The following THTPA variants were observed in gnomAD, a reference collection of about 807,000 sequenced individuals.
THTPA encodes thiamine triphosphatase, also known as thiamine-triphosphatase.
THTPA carries 16 observed loss-of-function variants against 16.5 expected under a neutral mutation model. That is an observed-to-expected ratio of 0.97 (90% CI 0.66 to 1.47). THTPA has a LOEUF of 1.47. Ranked by LOEUF, THTPA falls within the 40% of genes most tolerant of loss-of-function variation. The pLI is 0.00. For synonymous variants in THTPA, 110 were observed against 115.5 expected, an observed-to-expected ratio of 0.95 and a Z score of 0.30; for missense variants, 281 against 280.9, an observed-to-expected ratio of 1.00 and a Z score of 0.00.
chr14:23,522,722 G>A, the THTPA span: 41 of 1,536,500 alleles, frequency 2.7e-5, no homozygotes, highest in Admixed American at 2.0e-5. Flanking sequence ...GGAGGAGCTG[G>A]TGGGGCCTGC....
chr14:23,526,370 T>C, the THTPA span: 20 of 1,536,184 alleles, frequency 1.3e-5, no homozygotes, highest in East Asian at 7.3e-5. Flanking sequence ...AGTGCACTTA[T>C]AGGGCCGGGC....
At chr14:23,533,815 C>T in the THTPA span, 2 of 1,544,376 alleles carry the variant, frequency 1.3e-6, no homozygotes, top group South Asian at 2.4e-5. The surrounding 1 kb of genome is among the most constrained non-coding windows in gnomAD (Gnocchi z 4.8). Context: ...GGGTTTGTAG[C>T]CACAGTTGTA....
chr14:23,517,816 G>A, the THTPA span, among the ~76,000 whole-genome samples: 1 of 152,022 alleles, frequency 6.6e-6, no homozygotes, highest in Non-Finnish European at 1.5e-5. Context: ...CTTGGTATGG[G>A]CCCAATGCCC....
the THTPA span, chr14:23,512,732 ATATATATGCATATATATG>A: frequency 3.3e-5 from 5 of 150,378 alleles, no homozygotes; most frequent in East Asian, 5.9e-4. Context: ...GTGTGTGTAT[ATATATATGCATATATATG>A]TATATATGCA....
the THTPA span, chr14:23,525,675 C>G: frequency 6.5e-7 from 1 of 1,534,056 alleles, no homozygotes; most frequent in Admixed American, 2.0e-5. The surrounding 1 kb of genome is among the most constrained non-coding windows in gnomAD (Gnocchi z 5.9). Flanking sequence ...GAGGAAGGCC[C>G]TGCCTCATTA....
At chr14:23,526,240 G>A in the THTPA span, 42 of 1,536,182 alleles carry the variant, frequency 2.7e-5, no homozygotes, top group Non-Finnish European at 3.1e-5. Context: ...GTGGGGCACC[G>A]GCCTCTCCCC....
At chr14:23,521,854 G>A in the THTPA span, 4 of 1,483,440 alleles carry the variant, frequency 2.7e-6, no homozygotes, top group Admixed American at 2.2e-5. Flanking sequence ...CCTGTGAGGT[G>A]GGCGGGGCCA....
chr14:23,553,523 C>CG (rs201873180), upstream of THTPA, among the ~76,000 whole-genome samples: 1 of 151,198 alleles, frequency 6.6e-6, no homozygotes, highest in Non-Finnish European at 1.5e-5. Flanking sequence ...CGCTTGAACC[C>CG]GGGGGGCAGA....
At chr14:23,531,846 C>T in the THTPA span, 1 of 1,197,300 alleles carries the variant, frequency 8.4e-7, no homozygotes, top group Non-Finnish European at 1.0e-6. Flanking sequence ...GGCATGATCT[C>T]TACTCACTGA....
At position 23,556,447 on chromosome 14, in the gene THTPA, G is replaced by GTCTC; in HGVS notation, c.-311_-310insTCTC. On this transcript the variant is annotated 5_prime_UTR_variant, in exon 1 of 2. Transcript: ENST00000288014. ...GGGGTGGCAAGGTGTAGAGAGGGGG[G>GTCTC]CGTTGAAAGGACACCCGCTACCCGG... The GTCTC allele has an allele frequency of 2.7e-6, 1 of 364,398 alleles. No individual in the cohort carries two copies. Among genetic ancestry groups the GTCTC allele is most frequent in the Admixed American group, 4.3e-5 (1 of 23,034 alleles). 22.6% of individuals were successfully genotyped at this position (364,398 alleles called of 1,614,324 possible).
the THTPA span, chr14:23,529,904 G>T: frequency 2.0e-6 from 2 of 1,009,368 alleles, no homozygotes; most frequent in Non-Finnish European, 2.9e-6. Flanking sequence ...CTTGGCAAGG[G>T]CTGACTCCGG....
the THTPA span, among the ~76,000 whole-genome samples, chr14:23,537,022 C>A: frequency 2.0e-5 from 3 of 152,076 alleles, no homozygotes; most frequent in Non-Finnish European, 4.4e-5. Flanking sequence ...TGCCTGTAAT[C>A]CCAGCTACTC....
Position 23,558,858 on chromosome 14 carries a change from AGG to A in THTPA, c.*21_*22del, listed in dbSNP as rs769320498. 1 of 1,613,514 alleles carries A rather than the reference AGG, an allele frequency of 6.2e-7. No individual in the cohort carries two copies. Among genetic ancestry groups the A allele is most frequent in the South Asian group, 1.1e-5 (1 of 91,068 alleles). On this transcript the variant is annotated 3_prime_UTR_variant, in exon 2 of 2. Transcript: ENST00000288014. The stretch of plus-strand genomic sequence containing the variant: ...TGGGCTAGGGGTGTCACTTCCTAGA[AGG>A]GGAAGGGAACTCTGGGTCTAACGGA...
the THTPA span, chr14:23,524,376 T>C: frequency 6.5e-7 from 1 of 1,536,210 alleles, no homozygotes; most frequent in Non-Finnish European, 8.7e-7. The surrounding 1 kb of genome is among the most constrained non-coding windows in gnomAD (Gnocchi z 5.6). Flanking sequence ...CGCTTGTCCC[T>C]GGGGGGCTCG....
the THTPA span, among the ~76,000 whole-genome samples, chr14:23,537,447 C>T: frequency 6.6e-6 from 1 of 152,146 alleles, no homozygotes; most frequent in Non-Finnish European, 1.5e-5. Flanking sequence ...CTACCTCTAA[C>T]CCTCACCTTC....
the THTPA span, chr14:23,524,168 GGCACCCCCCCA>G: frequency 6.5e-7 from 1 of 1,536,046 alleles, no homozygotes; most frequent in Non-Finnish European, 8.7e-7. This position sits in a 1 kb window ranked among gnomAD's most constrained non-coding sequence, Gnocchi z 5.6. Flanking sequence ...TGCTGGACTA[GGCACCCCCCCA>G]GGGGTGCTTC....
chr14:23,529,703 T>C, the THTPA span: 2 of 1,535,982 alleles, frequency 1.3e-6, no homozygotes, highest in African/African-American at 2.7e-5. Flanking sequence ...GTTACCCCAA[T>C]TCTGACCGTG....
chr14:23,557,449 T>C, intron 1 of THTPA, 145 bp downstream of exon 1: 3 of 923,150 alleles, frequency 3.2e-6, no homozygotes, highest in Non-Finnish European at 4.7e-6. Flanking sequence ...TTGCCCAGGC[T>C]GGTCTGGAAC....
At chr14:23,525,528 C>T in the THTPA span, 1 of 1,535,440 alleles carries the variant, frequency 6.5e-7, no homozygotes, top group Non-Finnish European at 8.7e-7. The surrounding 1 kb of genome is among the most constrained non-coding windows in gnomAD (Gnocchi z 5.9). Context: ...CCGAGGGCCT[C>T]AGGTGGGGGT....
Sources: gnomAD v4.1 joint callset for allele counts (sites outside exome capture counted in the v4.1 genomes callset) on GRCh38, gnomAD v4.1.1 for gene constraint, Gnocchi (gnomAD v3.1) non-coding constraint, MANE v1.5 for transcripts, NCBI Gene and HGNC (gene_info 2026-07-23, HGNC 2026-07-21) for gene names.